Variants in SNX4 observed in about 807,000 individuals in gnomAD.
The protein encoded by SNX4 is sorting nexin-4.
In SNX4, 49 loss-of-function variants were observed where a neutral mutation model predicts 70.8. The observed-to-expected ratio is 0.69, with a 90% CI of 0.55 to 0.88. SNX4 has a LOEUF of 0.88. SNX4 is among the 40% of genes least tolerant of loss of function. The probability of loss-of-function intolerance (pLI) is 0.00; values close to 1 mark genes in which losing one functional copy is unlikely to be tolerated. For synonymous variants in SNX4, 206 were observed against 183.8 expected (o/e 1.12, Z -0.98); for missense variants, 528 against 544.8 (o/e 0.97, Z 0.31).
chr3:125,483,816 T>C (rs562474619), intron 6 of SNX4, among the ~76,000 whole-genome samples: 38 of 152,290 alleles, frequency 2.5e-4, no homozygotes, highest in South Asian at 6.2e-4. Flanking sequence ...TAGATAACAA[T>C]GTATGTTTAA....
intron 5 of SNX4, among the ~76,000 whole-genome samples, chr3:125,496,758 A>C (rs1403377775): frequency 6.6e-6 from 1 of 152,192 alleles, no homozygotes; most frequent in Non-Finnish European, 1.5e-5. Flanking sequence ...TCTAATGACT[A>C]AATTTAAAAA....
At chr3:125,503,872 G>A (rs1934983598) in intron 2 of SNX4, among the ~76,000 whole-genome samples, 1 of 152,010 alleles carries the variant, frequency 6.6e-6, no homozygotes, top group African/African-American at 2.4e-5. Context: ...GAGTATCACA[G>A]CAAAAGATAC....
At chr3:125,498,243 A>G in intron 2 of SNX4, 49 bp from the exon 3 acceptor site, 1 of 1,434,842 alleles carries the variant, frequency 7.0e-7, no homozygotes. Flanking sequence ...ACAAAAATAC[A>G]TACACATAAA....
chr3:125,495,069 G>T (rs1934754165), intron 5 of SNX4, among the ~76,000 whole-genome samples: 1 of 151,194 alleles, frequency 6.6e-6, no homozygotes, highest in African/African-American at 2.4e-5. Context: ...AAAATTAATG[G>T]GTCTGCTACA....
chr3:125,468,091 A>G (rs1291762099), intron 9 of SNX4, among the ~76,000 whole-genome samples: 2 of 152,118 alleles, frequency 1.3e-5, no homozygotes, highest in Admixed American at 6.5e-5. Context: ...ATAAGGATGC[A>G]GCAACATGGA....
At chr3:125,512,167 A>G (rs1935186627) in intron 1 of SNX4, among the ~76,000 whole-genome samples, 1 of 152,216 alleles carries the variant, frequency 6.6e-6, no homozygotes, top group South Asian at 2.1e-4. Context: ...GCCACCCAAC[A>G]TCAGGGTTGG....
chr3:125,462,388 G>A (rs769832957), intron 9 of SNX4, among the ~76,000 whole-genome samples: 5 of 151,862 alleles, frequency 3.3e-5, no homozygotes, highest in African/African-American at 4.8e-5. Flanking sequence ...CCAGGAGTTC[G>A]AGACCAGCCT....
intron 7 of SNX4, among the ~76,000 whole-genome samples, chr3:125,479,897 A>G (rs1934371281): frequency 6.6e-6 from 1 of 152,130 alleles, no homozygotes; most frequent in African/African-American, 2.4e-5. Context: ...ATGGCCTAAC[A>G]CCTATAAACT....
At chr3:125,486,079 T>C (rs1167784491) in intron 6 of SNX4, among the ~76,000 whole-genome samples, 1 of 152,194 alleles carries the variant, frequency 6.6e-6, no homozygotes, top group Non-Finnish European at 1.5e-5. Context: ...GACCTCGTGA[T>C]CCACCCACCT....
At chr3:125,507,157 A>C (rs1413494871) in intron 1 of SNX4, among the ~76,000 whole-genome samples, 2 of 150,154 alleles carry the variant, frequency 1.3e-5, no homozygotes, top group Non-Finnish European at 3.0e-5. Context: ...GCAGTGAGCA[A>C]AGACCACGCC....
chr3:125,454,993 A>G (rs927554275), intron 11 of SNX4, among the ~76,000 whole-genome samples: 4 of 152,076 alleles, frequency 2.6e-5, no homozygotes, highest in Non-Finnish European at 5.9e-5. Flanking sequence ...TAATGGCACA[A>G]TCATGGCTCA....
At chr3:125,512,131 A>G (rs766441978) in intron 1 of SNX4, among the ~76,000 whole-genome samples, 1 of 152,176 alleles carries the variant, frequency 6.6e-6, no homozygotes, top group Non-Finnish European at 1.5e-5. Context: ...AACCAAAAGA[A>G]AGCTCAAGAA....
intron 1 of SNX4, among the ~76,000 whole-genome samples, chr3:125,507,821 G>A (rs1046091479): frequency 6.6e-6 from 1 of 152,234 alleles, no homozygotes; most frequent in East Asian, 1.9e-4. Flanking sequence ...CCAGAGGCAG[G>A]AGAATCGCCT....
In SNX4 at chr3:125,489,467, G is replaced by GA. The variant is rs1934603971; in HGVS notation, c.598-5dup. 3 of 1,610,588 alleles carry GA rather than the reference G, an allele frequency of 1.9e-6. No individual in the cohort carries two copies. The highest frequency in any genetic ancestry group is 1.3e-5 in the African/African-American group (1 of 74,886). On this transcript the variant is annotated splice_polypyrimidine_tract_variant and splice_region_variant and intron_variant, in intron 5 of 13. Transcript: ENST00000251775. ...GCGCTTTTAACCTGGAGTCTGCCTG[G>GA]AAAAAATAATTTGTTCACTTAATAC... is the stretch of plus-strand genomic sequence containing the variant.
chr3:125,517,479 T>A (rs72977791), intron 1 of SNX4, among the ~76,000 whole-genome samples: 1 of 151,712 alleles, frequency 6.6e-6, no homozygotes, highest in Admixed American at 6.6e-5. Context: ...ACAGACTGAG[T>A]GAGAGAGAGT....
intron 1 of SNX4, among the ~76,000 whole-genome samples, chr3:125,505,246 A>C (rs779530880): frequency 3.9e-5 from 6 of 152,252 alleles, no homozygotes; most frequent in Non-Finnish European, 5.9e-5. Flanking sequence ...CTGGGATTAT[A>C]GGCATGAGCC....
chr3:125,463,076 G>A (rs1032071177), intron 9 of SNX4, among the ~76,000 whole-genome samples: 8 of 152,150 alleles, frequency 5.3e-5, no homozygotes, highest in Non-Finnish European at 1.2e-4. Context: ...TCCTTCGCAT[G>A]GACACACTTT....
At chr3:125,489,629 G>T (rs1211105252) in intron 5 of SNX4, among the ~76,000 whole-genome samples, 166 bp from the exon 6 acceptor site, 2 of 152,042 alleles carry the variant, frequency 1.3e-5, no homozygotes, top group East Asian at 1.9e-4. Flanking sequence ...AATTATTTTT[G>T]AAAACACTAC....
intron 7 of SNX4, among the ~76,000 whole-genome samples, chr3:125,479,367 G>A (rs1247810266): frequency 6.6e-6 from 1 of 151,876 alleles, no homozygotes; most frequent in African/African-American, 2.4e-5. Context: ...GACCAGCCTC[G>A]TTAACATGGT....
Sources: gnomAD v4.1 joint callset for allele counts (sites outside exome capture counted in the v4.1 genomes callset) on GRCh38, gnomAD v4.1.1 for gene constraint, MANE v1.5 for transcripts, NCBI Gene and HGNC (gene_info 2026-07-23, HGNC 2026-07-21) for gene names.